Variants in COMMD1 observed in about 807,000 individuals in gnomAD.
COMMD1 encodes COMM domain-containing protein 1.
In COMMD1, 10 loss-of-function variants were observed where a neutral mutation model predicts 17.2. The observed-to-expected ratio is 0.58, with a 90% CI of 0.36 to 0.99. The LOEUF is 0.99. Among genes scored for constraint, COMMD1 ranks in the 50% least tolerant of loss-of-function variants. COMMD1 has a pLI of 0.01. For missense variants in COMMD1, 270 were observed against 231.8 expected (o/e 1.17, Z -1.07); for synonymous variants, 97 against 91.6 (o/e 1.06, Z -0.34).
At chr2:62,040,082 C>T (rs1378345420) in intron 2 of COMMD1, among the ~76,000 whole-genome samples, 1 of 152,074 alleles carries the variant, frequency 6.6e-6, no homozygotes, top group Non-Finnish European at 1.5e-5. Flanking sequence ...CATAGAGACC[C>T]TGTCTACAAA....
chr2:61,933,228 A>G (rs1485048384), intron 1 of COMMD1, among the ~76,000 whole-genome samples: 2 of 151,622 alleles, frequency 1.3e-5, no homozygotes, highest in Admixed American at 1.3e-4. Flanking sequence ...AGCTGCTTGT[A>G]TCCACAATGC....
chr2:61,909,541 G>C (rs995115164), intron 1 of COMMD1, among the ~76,000 whole-genome samples: 2 of 152,202 alleles, frequency 1.3e-5, no homozygotes, highest in African/African-American at 4.8e-5. Flanking sequence ...GAATAGTCCA[G>C]TTTGATCACA....
chr2:62,121,246 T>A (rs1672734498), intron 2 of COMMD1, among the ~76,000 whole-genome samples: 1 of 150,936 alleles, frequency 6.6e-6, no homozygotes, highest in African/African-American at 2.4e-5. Context: ...GGCATTTGCC[T>A]GTAATCCCAG....
intron 1 of COMMD1, among the ~76,000 whole-genome samples, chr2:61,924,886 GTGGAACT>G (rs1174067517): frequency 1.3e-5 from 2 of 152,166 alleles, no homozygotes; most frequent in African/African-American, 4.8e-5. Flanking sequence ...CCCCTTTCCC[GTGGAACT>G]TGTCTGGAAT....
At chr2:61,911,108 A>G (rs1669895347) in intron 1 of COMMD1, among the ~76,000 whole-genome samples, 1 of 150,260 alleles carries the variant, frequency 6.7e-6, no homozygotes, top group Non-Finnish European at 1.5e-5. Flanking sequence ...TTTTTTTTTT[A>G]ATGAAAATTC....
upstream of COMMD1, chr2:61,905,580 G>C (rs1417218079): frequency 7.9e-7 from 1 of 1,267,268 alleles, no homozygotes; most frequent in Non-Finnish European, 1.1e-6. Flanking sequence ...CAGGTTCCCC[G>C]AGGTTCCCCG....
chr2:62,132,109 G>A (rs1169895080), intron 2 of COMMD1, among the ~76,000 whole-genome samples: 4 of 150,564 alleles, frequency 2.7e-5, no homozygotes, highest in African/African-American at 7.3e-5. Flanking sequence ...GGCTAGTCTC[G>A]AACTCCTGAC....
chr2:61,928,154 G>A (rs537390827), intron 1 of COMMD1, among the ~76,000 whole-genome samples: 1 of 152,000 alleles, frequency 6.6e-6, no homozygotes, highest in African/African-American at 2.4e-5. Flanking sequence ...TATAAAGCAG[G>A]GAGCTATTTA....
At chr2:62,048,673 G>A (rs1670451508) in intron 2 of COMMD1, among the ~76,000 whole-genome samples, 1 of 151,790 alleles carries the variant, frequency 6.6e-6, no homozygotes, top group Admixed American at 6.6e-5. Context: ...ATAGTTTTCA[G>A]CAGATTTTTT....
intron 2 of COMMD1, among the ~76,000 whole-genome samples, chr2:62,050,756 C>G (rs1302865463): frequency 2.0e-5 from 3 of 152,156 alleles, no homozygotes; most frequent in Non-Finnish European, 2.9e-5. Context: ...AAGTCTGTCC[C>G]TTTAAATTTG....
chr2:61,970,060 C>T (rs1671605377), intron 1 of COMMD1, among the ~76,000 whole-genome samples: 3 of 152,018 alleles, frequency 2.0e-5, no homozygotes, highest in Admixed American at 2.0e-4. Flanking sequence ...AGTTCGAGAC[C>T]AGCCTGGCCA....
chr2:62,104,733 A>G (rs562409533), intron 2 of COMMD1, among the ~76,000 whole-genome samples: 1 of 152,312 alleles, frequency 6.6e-6, no homozygotes, highest in East Asian at 1.9e-4. Flanking sequence ...ATCATTTAGA[A>G]GTGCCTGTTA....
intron 2 of COMMD1, among the ~76,000 whole-genome samples, chr2:62,111,146 A>G (rs1672444889): frequency 6.6e-6 from 1 of 152,178 alleles, no homozygotes. Flanking sequence ...TTTCACTTAC[A>G]AGTTTCTCAC....
At chr2:61,927,631 C>T (rs1453011110) in intron 1 of COMMD1, among the ~76,000 whole-genome samples, 1 of 152,100 alleles carries the variant, frequency 6.6e-6, no homozygotes, top group Non-Finnish European at 1.5e-5. Context: ...ATCTCCTGAC[C>T]TCGTGATCCA....
chr2:61,932,195 T>C (rs1418345298), intron 1 of COMMD1, among the ~76,000 whole-genome samples: 1 of 152,212 alleles, frequency 6.6e-6, no homozygotes, highest in Non-Finnish European at 1.5e-5. Context: ...TTAATTATTC[T>C]CTAACAGTAA....
intron 2 of COMMD1, among the ~76,000 whole-genome samples, chr2:62,096,748 A>G (rs556731988): frequency 2.0e-5 from 3 of 152,362 alleles, no homozygotes; most frequent in African/African-American, 7.2e-5. Context: ...CAAATACTTA[A>G]CTTGGGGAGG....
At chr2:62,049,770 G>A (rs1439816803) in intron 2 of COMMD1, among the ~76,000 whole-genome samples, 4 of 152,042 alleles carry the variant, frequency 2.6e-5, no homozygotes, top group Non-Finnish European at 5.9e-5. Flanking sequence ...AGTTCCTCTG[G>A]TATACTGAAT....
At chr2:61,905,896 A>G in intron 1 of COMMD1, 38 bp downstream of exon 1, 1 of 1,605,486 alleles carries the variant, frequency 6.2e-7, no homozygotes, top group South Asian at 1.1e-5. Context: ...TTGGAGCAGA[A>G]CCCCTTGGCC....
intron 1 of COMMD1, among the ~76,000 whole-genome samples, chr2:61,967,207 G>A (rs777834904): frequency 6.6e-6 from 1 of 152,236 alleles, no homozygotes; most frequent in Non-Finnish European, 1.5e-5. Flanking sequence ...CTTCACAGCA[G>A]TGCTTCTTAC....
Sources: allele counts gnomAD v4.1 joint callset (sites outside exome capture counted in the v4.1 genomes callset), GRCh38; gene constraint gnomAD v4.1.1; transcripts MANE v1.5; gene names NCBI Gene and HGNC (gene_info 2026-07-23, HGNC 2026-07-21).